Variants in CFAP299 observed in about 807,000 individuals in gnomAD.
CFAP299 encodes cilia and flagella associated protein 299, also known as cilia- and flagella-associated protein 299.
CFAP299 carries 21 observed loss-of-function variants against 27.0 expected under a neutral mutation model. That is an observed-to-expected ratio of 0.78 (90% CI 0.55 to 1.12). The LOEUF (loss-of-function observed/expected upper bound fraction) is 1.12, where lower values mean the gene tolerates loss of function less well. CFAP299 is among the 50% of genes most tolerant of loss of function. The probability of loss-of-function intolerance (pLI) is 0.00; values close to 1 mark genes in which losing one functional copy is unlikely to be tolerated. For synonymous variants in CFAP299, 104 were observed against 98.1 expected, an observed-to-expected ratio of 1.06 and a Z score of -0.36; for missense variants, 310 against 276.6, an observed-to-expected ratio of 1.12 and a Z score of -0.86.
chr4:80,412,504 C>T (rs1726772161), intron 2 of CFAP299, among the ~76,000 whole-genome samples: 1 of 152,052 alleles, frequency 6.6e-6, no homozygotes, highest in Non-Finnish European at 1.5e-5. Flanking sequence ...TAACATATTC[C>T]AGTAGCACAG....
At chr4:80,378,082 A>C (rs1724507035) in intron 2 of CFAP299, among the ~76,000 whole-genome samples, 3 of 152,162 alleles carry the variant, frequency 2.0e-5, no homozygotes, top group Admixed American at 6.5e-5. Flanking sequence ...ATTCTGGGAG[A>C]TACAATTAAA....
rs945117207 is a variant in CFAP299, at chr4:80,453,469, G to A, written c.242+90585G>A. Among the ~76,000 whole-genome samples the A allele has an allele frequency of 2.6e-5, 4 of 152,212 alleles. No individual in the cohort carries two copies. The East Asian group carries it at 7.7e-4, about 29-fold the overall frequency. ...TTAATTAGTAGTGTGGCATGGTAAT[G>A]TAAATTTTAACAAGCTTCTGAAATG... On this transcript the variant is annotated intron_variant, in intron 2 of 5. Transcript: ENST00000358105.
intron 2 of CFAP299, among the ~76,000 whole-genome samples, chr4:80,538,555 C>T (rs1245206103): frequency 6.6e-6 from 1 of 151,170 alleles, no homozygotes; most frequent in African/African-American, 2.4e-5. Context: ...TGCAGGTGTA[C>T]CATTTTTTAT....
rs116796015 is a variant in CFAP299 at position 80,400,308 on chromosome 4, G to T, written c.242+37424G>T. Among the ~76,000 whole-genome samples the T allele has an allele frequency of 6.4e-3, 969 of 152,168 alleles. 22 individuals carry two copies. Among genetic ancestry groups the T allele is most frequent in the African/African-American group, 0.022 (931 of 41,522 alleles). ...TTTAACGCTCACAACTATCTTGATA[G>T]ACATGAAATTTTCTCCATTTCACAA... On this transcript the variant is annotated intron_variant, in intron 2 of 5. Coordinates refer to ENST00000358105, the MANE Select transcript of CFAP299 (RefSeq NM_152770.3).
At chr4:80,354,662 T>A (rs963026728) in intron 1 of CFAP299, among the ~76,000 whole-genome samples, 1 of 152,160 alleles carries the variant, frequency 6.6e-6, no homozygotes, top group Non-Finnish European at 1.5e-5. Flanking sequence ...CCTGATCTTC[T>A]TCCTTCTCCC....
At chr4:80,321,624 T>C in the CFAP299 span, among the ~76,000 whole-genome samples, 1 of 151,962 alleles carries the variant, frequency 6.6e-6, no homozygotes, top group Admixed American at 6.5e-5. Flanking sequence ...TTGGCGAAGG[T>C]CATGACAGTG....
intron 1 of CFAP299, among the ~76,000 whole-genome samples, chr4:80,355,207 A>G (rs1008341275): frequency 1.3e-5 from 2 of 152,114 alleles, no homozygotes; most frequent in African/African-American, 4.8e-5. Flanking sequence ...ACTTTTTAGT[A>G]GTAGCCATTC....
chr4:80,389,419 C>T (rs1578387263), intron 2 of CFAP299, among the ~76,000 whole-genome samples: 1 of 152,082 alleles, frequency 6.6e-6, no homozygotes, highest in East Asian at 1.9e-4. Flanking sequence ...TAGTTCTGAT[C>T]CCACACCTGG....
At chr4:80,368,624 T>TA (rs994471995) in intron 2 of CFAP299, among the ~76,000 whole-genome samples, 1 of 151,422 alleles carries the variant, frequency 6.6e-6, no homozygotes, top group Non-Finnish European at 1.5e-5. Context: ...CCCCAAATCT[T>TA]AAAAAAAAAT....
At chr4:80,542,467 G>A (rs1734046543) in intron 2 of CFAP299, among the ~76,000 whole-genome samples, 1 of 152,174 alleles carries the variant, frequency 6.6e-6, no homozygotes, top group Non-Finnish European at 1.5e-5. Flanking sequence ...TGTTGGTACT[G>A]AAGGAGGAGG....
At chr4:80,549,422 C>T (rs61325722) in intron 2 of CFAP299, among the ~76,000 whole-genome samples, 10,783 of 152,096 alleles carry the variant, frequency 0.071, 573 homozygotes, top group East Asian at 0.25. Context: ...GGAATGTTTA[C>T]CACAACTTTT....
intron 2 of CFAP299, among the ~76,000 whole-genome samples, chr4:80,490,052 G>A (rs1027279758): frequency 6.6e-6 from 1 of 152,112 alleles, no homozygotes; most frequent in Non-Finnish European, 1.5e-5. Context: ...CTGAGCCTGC[G>A]ACAGGAGGCT....
chr4:80,946,431 T>C (rs983848461), intron 5 of CFAP299, among the ~76,000 whole-genome samples: 2 of 152,188 alleles, frequency 1.3e-5, no homozygotes, highest in African/African-American at 4.8e-5. Context: ...CTGATGCCTT[T>C]AAAGGGAGTT....
chr4:80,505,879 A>AG (rs1732005095), intron 2 of CFAP299, among the ~76,000 whole-genome samples: 1 of 151,990 alleles, frequency 6.6e-6, no homozygotes, highest in Admixed American at 6.6e-5. Flanking sequence ...GGATTTCTTG[A>AG]GGTCAGGAGC....
intron 4 of CFAP299, among the ~76,000 whole-genome samples, chr4:80,906,610 T>A (rs895337488): frequency 6.6e-6 from 1 of 152,180 alleles, no homozygotes; most frequent in Non-Finnish European, 1.5e-5. Flanking sequence ...AGGTGGACAT[T>A]CCCAAACCTC....
chr4:80,632,859 TAAAGG>T (rs1449803388), intron 3 of CFAP299, among the ~76,000 whole-genome samples: 5 of 152,250 alleles, frequency 3.3e-5, no homozygotes, highest in African/African-American at 7.2e-5. Context: ...AAGAATGAAG[TAAAGG>T]AAAGACCTTG....
At chr4:80,722,471 A>G (rs562483627) in intron 3 of CFAP299, among the ~76,000 whole-genome samples, 1 of 152,310 alleles carries the variant, frequency 6.6e-6, no homozygotes, top group South Asian at 2.1e-4. Context: ...GGACTTTATT[A>G]AAACTAAGGA....
chr4:80,845,282 T>G (rs1454504242), intron 3 of CFAP299, among the ~76,000 whole-genome samples: 3 of 150,958 alleles, frequency 2.0e-5, no homozygotes, highest in South Asian at 2.1e-4. Flanking sequence ...CCACACTGTT[T>G]TTTTTTTTTT....
At chr4:80,612,349 T>C (rs1197430037) in intron 3 of CFAP299, among the ~76,000 whole-genome samples, 3 of 152,030 alleles carry the variant, frequency 2.0e-5, no homozygotes, top group African/African-American at 7.2e-5. Flanking sequence ...AAAAATTATC[T>C]CAAAGCACAA....
Sources: gnomAD v4.1 joint callset for allele counts (sites outside exome capture counted in the v4.1 genomes callset) on GRCh38, gnomAD v4.1.1 for gene constraint, MANE v1.5 for transcripts, NCBI Gene and HGNC (gene_info 2026-07-23, HGNC 2026-07-21) for gene names.